ROR1: variants seen among roughly 807,000 people sequenced by gnomAD.
ROR1 encodes the protein ROR family WNT receptor 1.
In ROR1, 19 loss-of-function variants were observed where a neutral mutation model predicts 78.8. The observed-to-expected ratio is 0.24, with a 90% CI of 0.17 to 0.35. The LOEUF is 0.35. Among genes scored for constraint, ROR1 ranks in the 10% least tolerant of loss-of-function variants. ROR1 has a pLI of 1.00. For missense variants in ROR1, 917 were observed against 1,177.8 expected (o/e 0.78, Z 3.24); for synonymous variants, 386 against 433.6 (o/e 0.89, Z 1.36).
At chr1:63,852,966 A>G (rs1645123423) in intron 1 of ROR1, among the ~76,000 whole-genome samples, 1 of 152,160 alleles carries the variant, frequency 6.6e-6, no homozygotes, top group Non-Finnish European at 1.5e-5. Flanking sequence ...AAGAGTAACT[A>G]TTATTATTAT....
intron 1 of ROR1, among the ~76,000 whole-genome samples, chr1:63,805,050 T>C (rs1465215858): frequency 3.9e-5 from 6 of 152,228 alleles, no homozygotes; most frequent in Admixed American, 3.3e-4. Flanking sequence ...CTTTAATCCC[T>C]GAATGCGCTG....
At chr1:63,975,163 T>C (rs1221747166) in intron 1 of ROR1, among the ~76,000 whole-genome samples, 1 of 152,082 alleles carries the variant, frequency 6.6e-6, no homozygotes, top group African/African-American at 2.4e-5. Flanking sequence ...TCTTTGGAGG[T>C]GCTAACGAGC....
rs982018845 is a variant in ROR1, at chr1:64,148,793, GA to G, written c.1174+6151del. Among the ~76,000 whole-genome samples the G allele has an allele frequency of 7.2e-5, 11 of 151,796 alleles. No individual in the cohort carries two copies. In the East Asian group the frequency reaches 7.7e-4, roughly 11 times the overall value. On this transcript the variant is annotated intron_variant, in intron 7 of 8. Coordinates refer to ENST00000371079, the MANE Select transcript of ROR1 (RefSeq NM_005012.4). ...TGCCCAGACAGTGCTTAGAGAAAGT[GA>G]AAAAAAAGACAAAAGTTGGTTTGGG...
In ROR1 at chr1:64,103,636, G is replaced by C. The variant is rs543464109; in HGVS notation, c.483-33733G>C. Among the ~76,000 whole-genome samples, 17 of 152,264 alleles carry C rather than the reference G, an allele frequency of 1.1e-4. No homozygotes were observed. In the South Asian group the frequency reaches 3.5e-3, roughly 32 times the overall value. Reference sequence around the variant, plus strand: ...AACTGAATGTGAATGACTTTCAAATGAGTCCTTATAAGTAGTATGTTTTCA... The same window carrying C: ...AACTGAATGTGAATGACTTTCAAATCAGTCCTTATAAGTAGTATGTTTTCA... On this transcript the variant is annotated intron_variant, in intron 4 of 8. Coordinates refer to ENST00000371079, the MANE Select transcript of ROR1 (RefSeq NM_005012.4).
At chr1:63,812,521 AATGAATGAATGG>A (rs1341094141) in intron 1 of ROR1, among the ~76,000 whole-genome samples, 1 of 152,158 alleles carries the variant, frequency 6.6e-6, no homozygotes, top group Non-Finnish European at 1.5e-5. Flanking sequence ...TGAATGAATG[AATGAATGAATGG>A]ATGAATGAAT....
At chr1:63,927,730 C>T (rs1441603574) in intron 1 of ROR1, among the ~76,000 whole-genome samples, 1 of 152,140 alleles carries the variant, frequency 6.6e-6, no homozygotes, top group Non-Finnish European at 1.5e-5. Flanking sequence ...CTCAAAGCCC[C>T]ATCCCTTTTC....
chr1:64,174,807 T>A lies in ROR1; in HGVS notation c.1387-2621T>A, dbSNP rs116519168. ...ACTCTTGCCAGCAAAAGTAAAATCA[T>A]CTGAGTGCTACAAGACAAAAAAAGT... is the stretch of plus-strand genomic sequence containing the variant. On this transcript the variant is annotated intron_variant, in intron 8 of 8. Coordinates refer to ENST00000371079, the MANE Select transcript of ROR1 (RefSeq NM_005012.4). 5.0e-3 allele frequency among the ~76,000 whole-genome samples: 756 copies of A among 152,212 alleles called. 7 individuals carry two copies. Among genetic ancestry groups the A allele is most frequent in the African/African-American group, 0.017 (714 of 41,536 alleles).
intron 1 of ROR1, among the ~76,000 whole-genome samples, chr1:63,979,019 G>T (rs991402873): frequency 6.6e-6 from 1 of 152,174 alleles, no homozygotes; most frequent in African/African-American, 2.4e-5. Flanking sequence ...CGCTGGGGAG[G>T]TCAGCCTTTT....
intron 1 of ROR1, among the ~76,000 whole-genome samples, chr1:63,806,014 G>C (rs960172785): frequency 6.6e-6 from 1 of 152,162 alleles, no homozygotes; most frequent in Admixed American, 6.5e-5. Flanking sequence ...GCGAGACGCT[G>C]TCTCAAAAAA....
Position 63,973,267 on chromosome 1 carries a change from G to T in ROR1, c.92-36038G>T, listed in dbSNP as rs528318357. 2.0e-5 allele frequency among the ~76,000 whole-genome samples: 3 copies of T among 152,300 alleles called. No homozygotes were observed. The East Asian group carries it at 5.8e-4, about 29-fold the overall frequency. ...TCCTTGTCTTTATTGCGATGAATGA[G>T]GTTGAGCAGATGACAAGCAGAGATC... On this transcript the variant is annotated intron_variant, in intron 1 of 8. Coordinates refer to ENST00000371079, the MANE Select transcript of ROR1 (RefSeq NM_005012.4).
chr1:64,063,384 TG>T (rs1646932371), intron 4 of ROR1, among the ~76,000 whole-genome samples: 1 of 152,196 alleles, frequency 6.6e-6, no homozygotes, highest in Admixed American at 6.5e-5. Context: ...CTAAATCTTT[TG>T]TTTCTCAGTT....
intron 4 of ROR1, among the ~76,000 whole-genome samples, chr1:64,103,883 T>C (rs1350737680): frequency 6.6e-6 from 1 of 152,266 alleles, no homozygotes; most frequent in East Asian, 1.9e-4. Context: ...AGGTCAGCAG[T>C]TCTCTAGTGA....
At chr1:63,870,270 A>T (rs1645243417) in intron 1 of ROR1, among the ~76,000 whole-genome samples, 1 of 152,202 alleles carries the variant, frequency 6.6e-6, no homozygotes, top group South Asian at 2.1e-4. Context: ...GCGGACATTT[A>T]GCTATCCTTA....
intron 2 of ROR1, among the ~76,000 whole-genome samples, chr1:64,036,543 G>A (rs891449392): frequency 2.6e-5 from 4 of 152,092 alleles, no homozygotes; most frequent in Non-Finnish European, 4.4e-5. Context: ...GATAATCCAT[G>A]TTCATATTGA....
chr1:64,003,214 T>G (rs1646400180), intron 1 of ROR1, among the ~76,000 whole-genome samples: 1 of 152,184 alleles, frequency 6.6e-6, no homozygotes, highest in Non-Finnish European at 1.5e-5. Context: ...TTTTTTTTCC[T>G]GCAGATCTCA....
At chr1:64,139,711 C>A (rs1649239136) in intron 5 of ROR1, among the ~76,000 whole-genome samples, 1 of 152,190 alleles carries the variant, frequency 6.6e-6, no homozygotes, top group African/African-American at 2.4e-5. Flanking sequence ...TGTGCTCAGG[C>A]TCAGCCACTG....
chr1:63,844,434 A>C (rs1307960393), intron 1 of ROR1, among the ~76,000 whole-genome samples: 1 of 152,184 alleles, frequency 6.6e-6, no homozygotes, highest in Non-Finnish European at 1.5e-5. Flanking sequence ...TCTACTAATA[A>C]GTCAGTTACT....
At position 64,030,003 on chromosome 1, in the gene ROR1, T is replaced by C. The variant is rs192510134; in HGVS notation, c.164-19688T>C. ...CTCTGGTTTTCCAGTCAAATTTAGT[T>C]GCCCTTTCACCTACTCAATAATGAT... On this transcript the variant is annotated intron_variant, in intron 2 of 8. Coordinates refer to ENST00000371079, the MANE Select transcript of ROR1 (RefSeq NM_005012.4). Among the ~76,000 whole-genome samples, 557 of 152,292 alleles carry C rather than the reference T, an allele frequency of 3.7e-3. 4 individuals carry two copies. The highest frequency in any genetic ancestry group is 0.013 in the African/African-American group (538 of 41,568).
At chr1:63,857,263 A>G (rs1477203554) in intron 1 of ROR1, among the ~76,000 whole-genome samples, 1 of 151,932 alleles carries the variant, frequency 6.6e-6, no homozygotes, top group Non-Finnish European at 1.5e-5. Context: ...TGGCTTGGAC[A>G]TGGTTTTTAC....
Sources: gnomAD v4.1 joint callset for allele counts (sites outside exome capture counted in the v4.1 genomes callset) on GRCh38, gnomAD v4.1.1 for gene constraint, MANE v1.5 for transcripts, NCBI Gene and HGNC (gene_info 2026-07-23, HGNC 2026-07-21) for gene names.